The following METTL15 variants were observed in gnomAD, a reference collection of about 807,000 sequenced individuals.
The protein encoded by METTL15 is methyltransferase 15, mitochondrial 12S rRNA N4-cytidine, also known as 12S rRNA N(4)-cytidine methyltransferase METTL15.
In METTL15, 34 loss-of-function variants were observed where a neutral mutation model predicts 38.3. That is an observed-to-expected ratio of 0.89 (90% CI 0.68 to 1.18). The LOEUF is 1.18. METTL15 is among the 50% of genes most tolerant of loss of function. METTL15 has a pLI of 0.00. For missense variants in METTL15, 438 were observed against 498.4 expected, an observed-to-expected ratio of 0.88 and a Z score of 1.15; for synonymous variants, 162 against 170.9, an observed-to-expected ratio of 0.95 and a Z score of 0.41.
intron 4 of METTL15, among the ~76,000 whole-genome samples, chr11:28,268,001 T>A (rs1855494112): frequency 6.6e-6 from 1 of 151,540 alleles, no homozygotes; most frequent in African/African-American, 2.4e-5. Context: ...ATCGAGACCA[T>A]CCCGGCTAAA....
rs1441593731 is a variant in METTL15, at chr11:28,479,894, T to C, written c.*425-46584T>C. 3.9e-5 allele frequency among the ~76,000 whole-genome samples: 6 copies of C among 152,348 alleles called. No individual in the cohort carries two copies. In the East Asian group the frequency reaches 9.6e-4, roughly 24 times the overall value. Reference sequence around the variant, plus strand: ...TGTAAATGACATTTAGTGGACTAAATCTAACAAAGTGCTTTTGTTGATTTT... The same window carrying C: ...TGTAAATGACATTTAGTGGACTAAACCTAACAAAGTGCTTTTGTTGATTTT... On this transcript the variant is annotated intron_variant and NMD_transcript_variant, in intron 6 of 7. Transcript: ENST00000532947.
chr11:28,434,772 G>A (rs895235789), intron 6 of METTL15, among the ~76,000 whole-genome samples: 5 of 152,144 alleles, frequency 3.3e-5, no homozygotes, highest in Non-Finnish European at 1.5e-5. Context: ...TTGCCATCTT[G>A]GGCATCTGCA....
intron 3 of METTL15, among the ~76,000 whole-genome samples, chr11:28,144,437 T>C (rs1590804903): frequency 6.6e-6 from 1 of 152,156 alleles, no homozygotes; most frequent in African/African-American, 2.4e-5. Context: ...TTCACTGTTA[T>C]TCCATAGCTT....
At chr11:28,466,759 C>T (rs1482395376) in intron 6 of METTL15, among the ~76,000 whole-genome samples, 1 of 152,108 alleles carries the variant, frequency 6.6e-6, no homozygotes, top group Non-Finnish European at 1.5e-5. Context: ...GCTAGTTTAT[C>T]CTTTTAGGAG....
chr11:28,234,327 G>C (rs1008180597), intron 4 of METTL15, among the ~76,000 whole-genome samples: 1 of 151,496 alleles, frequency 6.6e-6, no homozygotes, highest in Non-Finnish European at 1.5e-5. Context: ...CCCAGTAATG[G>C]GATGGCTGGC....
At chr11:28,210,440 T>C (rs546776313) in intron 3 of METTL15, among the ~76,000 whole-genome samples, 4 of 151,962 alleles carry the variant, frequency 2.6e-5, no homozygotes, top group Admixed American at 6.6e-5. Context: ...ATAGATACTT[T>C]GTGTCAAACC....
At chr11:28,510,953 C>T (rs144105686) in intron 6 of METTL15, among the ~76,000 whole-genome samples, 43 of 152,238 alleles carry the variant, frequency 2.8e-4, no homozygotes, top group African/African-American at 1.0e-3. Flanking sequence ...CATGTTACAA[C>T]CCTGGGATGA....
At chr11:28,144,725 G>T (rs7945367) in intron 3 of METTL15, among the ~76,000 whole-genome samples, 43,663 of 151,782 alleles carry the variant, frequency 0.29, 7,074 homozygotes, top group African/African-American at 0.43. Flanking sequence ...AAATTTTGTG[G>T]TCTGCTTATA....
At chr11:28,467,364 G>T (rs1317332695) in intron 6 of METTL15, among the ~76,000 whole-genome samples, 2 of 152,112 alleles carry the variant, frequency 1.3e-5, no homozygotes, top group East Asian at 3.8e-4. Context: ...CACCTCCGTG[G>T]GCAACTCCCA....
intron 3 of METTL15, among the ~76,000 whole-genome samples, chr11:28,130,565 G>C (rs375137712): frequency 6.6e-6 from 1 of 152,058 alleles, no homozygotes; most frequent in African/African-American, 2.4e-5. Flanking sequence ...TCAAATTTCA[G>C]TTAGAATACG....
At chr11:28,132,861 T>C (rs1022323430) in intron 3 of METTL15, among the ~76,000 whole-genome samples, 3 of 152,206 alleles carry the variant, frequency 2.0e-5, no homozygotes, top group African/African-American at 7.2e-5. Context: ...TTATTTGAAC[T>C]TAGAGTACTG....
intron 3 of METTL15, 80 bp downstream of exon 3, chr11:28,113,684 A>G (rs1295296882): frequency 4.1e-6 from 6 of 1,470,782 alleles, no homozygotes; most frequent in Non-Finnish European, 5.5e-6. Context: ...TTTAAGGTAT[A>G]CAATTCAGTG....
chr11:28,138,461 C>G (rs1381036799), intron 3 of METTL15, among the ~76,000 whole-genome samples: 1 of 152,170 alleles, frequency 6.6e-6, no homozygotes, highest in Non-Finnish European at 1.5e-5. Context: ...AAAGTAACCT[C>G]ACAGGTGAAA....
chr11:28,389,385 C>T, intron 5 of METTL15, among the ~76,000 whole-genome samples: 1 of 111,262 alleles, frequency 9.0e-6, no homozygotes, highest in African/African-American at 3.4e-5. Context: ...TCCCCCCTCC[C>T]CCCACCCCAC....
At chr11:28,385,716 G>A (rs1215291702) in intron 5 of METTL15, among the ~76,000 whole-genome samples, 4 of 152,028 alleles carry the variant, frequency 2.6e-5, no homozygotes, top group African/African-American at 9.7e-5. Context: ...AATAGCATCT[G>A]TAAATTTGTT....
chr11:28,109,713 TTGTC>T (rs1376443507), intron 1 of METTL15, among the ~76,000 whole-genome samples: 1 of 152,216 alleles, frequency 6.6e-6, no homozygotes, highest in African/African-American at 2.4e-5. Context: ...GTTTTAAAGT[TTGTC>T]TTTTTTGACA....
chr11:28,307,971 GAC>G (rs1165544838), intron 6 of METTL15, among the ~76,000 whole-genome samples: 2 of 152,136 alleles, frequency 1.3e-5, no homozygotes, highest in East Asian at 3.9e-4. Context: ...TGAAGATAAA[GAC>G]ACAGACAAAT....
intron 6 of METTL15, among the ~76,000 whole-genome samples, chr11:28,461,221 G>A (rs978197996): frequency 2.0e-5 from 3 of 152,024 alleles, no homozygotes; most frequent in African/African-American, 4.8e-5. Flanking sequence ...GTTTTGATTA[G>A]CATTTTTCTT....
intron 4 of METTL15, among the ~76,000 whole-genome samples, chr11:28,273,624 T>G (rs1855730982): frequency 6.6e-6 from 1 of 152,044 alleles, no homozygotes; most frequent in Admixed American, 6.6e-5. Flanking sequence ...GTACCTAAAA[T>G]TAATAATAAT....
Sources: allele counts gnomAD v4.1 joint callset (sites outside exome capture counted in the v4.1 genomes callset), GRCh38; gene constraint gnomAD v4.1.1; transcripts MANE v1.5; gene names NCBI Gene and HGNC (gene_info 2026-07-23, HGNC 2026-07-21).